The following UNC5D variants were observed in gnomAD, a reference collection of about 807,000 sequenced individuals.
UNC5D encodes the protein unc-5 netrin receptor D, also known as netrin receptor UNC5D.
A neutral mutation model predicts 105.4 loss-of-function variants in UNC5D; 39 were observed. The observed-to-expected ratio is 0.37, with a 90% CI of 0.29 to 0.48. The LOEUF is 0.48. Among genes scored for constraint, UNC5D ranks in the 20% least tolerant of loss-of-function variants. The probability of loss-of-function intolerance (pLI) is 0.98; values close to 1 mark genes in which losing one functional copy is unlikely to be tolerated. For missense variants in UNC5D, 991 were observed against 1,202.4 expected (o/e 0.82, Z 2.60); for synonymous variants, 452 against 450.4 (o/e 1.00, Z -0.04).
chr8:35,777,436 A>C (rs1252958936), intron 16 of UNC5D, among the ~76,000 whole-genome samples: 1 of 151,968 alleles, frequency 6.6e-6, no homozygotes, highest in Non-Finnish European at 1.5e-5. Context: ...TAAATGAAAA[A>C]CCTCATACAG....
chr8:35,246,322 A>C (rs899308722), intron 1 of UNC5D, among the ~76,000 whole-genome samples: 1 of 152,214 alleles, frequency 6.6e-6, no homozygotes, highest in Non-Finnish European at 1.5e-5. Flanking sequence ...TAGAAATTGC[A>C]GGACAAGTTA....
chr8:35,308,730 A>G (rs1268433180), intron 1 of UNC5D, among the ~76,000 whole-genome samples: 1 of 152,172 alleles, frequency 6.6e-6, no homozygotes, highest in Admixed American at 6.6e-5. Context: ...ATCAATAATG[A>G]TTATTCCTTT....
At chr8:35,672,662 C>A (rs1824898151) in intron 4 of UNC5D, among the ~76,000 whole-genome samples, 1 of 152,116 alleles carries the variant, frequency 6.6e-6, no homozygotes, top group African/African-American at 2.4e-5. Flanking sequence ...ACATCTCTCT[C>A]CCCATTCTTA....
chr8:35,463,536 A>G (rs551685462), intron 1 of UNC5D, among the ~76,000 whole-genome samples: 7 of 152,046 alleles, frequency 4.6e-5, no homozygotes, highest in African/African-American at 1.7e-4. Flanking sequence ...GACTTGCTTT[A>G]TAATACTATT....
intron 1 of UNC5D, among the ~76,000 whole-genome samples, chr8:35,416,465 A>T (rs544987811): frequency 2.0e-5 from 3 of 152,340 alleles, no homozygotes; most frequent in Non-Finnish European, 4.4e-5. Flanking sequence ...AGTATTTCAT[A>T]AACAAGTTGA....
chr8:35,779,385 A>G (rs983248591), intron 16 of UNC5D, among the ~76,000 whole-genome samples: 1 of 152,200 alleles, frequency 6.6e-6, no homozygotes, highest in Admixed American at 6.5e-5. Context: ...AGAGAGGACT[A>G]TCTACTTGGG....
chr8:35,495,458 C>CAAAAAAAAAAA (rs71547636), intron 1 of UNC5D, among the ~76,000 whole-genome samples: 71 of 44,574 alleles, frequency 1.6e-3, no homozygotes, highest in East Asian at 2.5e-3. Flanking sequence ...ACAACAACAA[C>CAAAAAAAAAAA]AAAAAAAAAA....
chr8:35,571,731 A>G (rs1817737589), intron 3 of UNC5D, among the ~76,000 whole-genome samples: 2 of 152,176 alleles, frequency 1.3e-5, no homozygotes, highest in African/African-American at 2.4e-5. Context: ...TTTATTCCCA[A>G]TACATGAAAA....
At chr8:35,385,462 C>CTTTTT (rs33929902) in intron 1 of UNC5D, among the ~76,000 whole-genome samples, 1 of 84,612 alleles carries the variant, frequency 1.2e-5, no homozygotes, top group Admixed American at 1.3e-4. Context: ...CTACCTACCT[C>CTTTTT]TTTTTTTTTT....
At position 35,555,528 on chromosome 8, in the gene UNC5D, T is replaced by C. The variant is rs71513764; in HGVS notation, c.322+6018T>C. Among the ~76,000 whole-genome samples, 253 of 152,234 alleles carry C rather than the reference T, an allele frequency of 1.7e-3. 1 individual carries two copies. The highest frequency in any genetic ancestry group is 3.1e-3 in the Non-Finnish European group (211 of 68,004). ...ACACATTAAGAAGTGTGTACATTGA[T>C]TTAAAATACAAATTATAGGCAGGGC... On this transcript the variant is annotated intron_variant, in intron 2 of 16. Coordinates refer to ENST00000404895, the MANE Select transcript of UNC5D (RefSeq NM_080872.4).
intron 4 of UNC5D, among the ~76,000 whole-genome samples, chr8:35,596,948 G>A (rs566145133): frequency 1.8e-4 from 28 of 152,228 alleles, no homozygotes; most frequent in African/African-American, 6.3e-4. Flanking sequence ...CCTGAGTTCA[G>A]CAGCACATGG....
intron 1 of UNC5D, among the ~76,000 whole-genome samples, chr8:35,454,582 A>G (rs1808364909): frequency 6.6e-6 from 1 of 152,024 alleles, no homozygotes; most frequent in Non-Finnish European, 1.5e-5. Context: ...AAAAATTCTA[A>G]TCTTCTATTA....
intron 15 of UNC5D, 104 bp from the exon 16 acceptor site, chr8:35,774,195 C>A: frequency 7.8e-7 from 1 of 1,279,176 alleles, no homozygotes; most frequent in Non-Finnish European, 1.1e-6. Flanking sequence ...AACAGGCAAG[C>A]ATTTTGTGCA....
chr8:35,693,436 A>G (rs1321658880), intron 7 of UNC5D, among the ~76,000 whole-genome samples: 1 of 152,194 alleles, frequency 6.6e-6, no homozygotes, highest in Non-Finnish European at 1.5e-5. Flanking sequence ...TTCTCAATGA[A>G]GACTGGCCTT....
chr8:35,295,870 T>C (rs1394744268), intron 1 of UNC5D, among the ~76,000 whole-genome samples: 1 of 152,188 alleles, frequency 6.6e-6, no homozygotes, highest in Non-Finnish European at 1.5e-5. Flanking sequence ...CATTCCTCTC[T>C]CTGTTTCTGA....
intron 1 of UNC5D, among the ~76,000 whole-genome samples, chr8:35,480,860 A>G (rs1479909746): frequency 6.6e-6 from 1 of 152,172 alleles, no homozygotes; most frequent in Non-Finnish European, 1.5e-5. Context: ...CTTCACTGAG[A>G]TGAGGAAGAA....
intron 1 of UNC5D, among the ~76,000 whole-genome samples, chr8:35,332,576 T>C (rs1465655950): frequency 2.0e-5 from 3 of 152,244 alleles, no homozygotes; most frequent in Non-Finnish European, 4.4e-5. Flanking sequence ...GATAGTTTCA[T>C]GTGGTTTTTA....
At chr8:35,467,741 G>T (rs890047234) in intron 1 of UNC5D, among the ~76,000 whole-genome samples, 1 of 152,062 alleles carries the variant, frequency 6.6e-6, no homozygotes, top group Non-Finnish European at 1.5e-5. Context: ...TTGGGGTAGG[G>T]TGGAGGGAAT....
intron 1 of UNC5D, among the ~76,000 whole-genome samples, chr8:35,533,156 T>G (rs28894781): frequency 6.6e-6 from 1 of 152,096 alleles, no homozygotes; most frequent in Non-Finnish European, 1.5e-5. Flanking sequence ...TTCTGTTCTG[T>G]TTTTTCCCCA....
Sources: allele counts gnomAD v4.1 joint callset (sites outside exome capture counted in the v4.1 genomes callset), GRCh38; gene constraint gnomAD v4.1.1; transcripts MANE v1.5; gene names NCBI Gene and HGNC (gene_info 2026-07-23, HGNC 2026-07-21).